The following JMJD8 variants were observed in gnomAD, a reference collection of about 807,000 sequenced individuals.
JMJD8 encodes jmjC domain-containing protein 8.
In JMJD8, 56 loss-of-function variants were observed where a neutral mutation model predicts 37.6. That is an observed-to-expected ratio of 1.49 (90% CI 1.20 to 1.86). JMJD8 has a LOEUF of 1.86. JMJD8 is among the 40% of genes most tolerant of loss of function. The probability of loss-of-function intolerance (pLI) is 0.00; values close to 1 mark genes in which losing one functional copy is unlikely to be tolerated. For missense variants in JMJD8, 542 were observed against 362.7 expected (o/e 1.49, Z -4.01); for synonymous variants, 261 against 163.7 (o/e 1.59, Z -4.54).
Position 684,146 on chromosome 16 carries a change from G to A in JMJD8, c.96C>T (p.Gly32=), listed in dbSNP as rs1488353582. The A allele has an allele frequency of 6.1e-6, 9 of 1,482,376 alleles. No homozygotes were observed. Among genetic ancestry groups the A allele is most frequent in the Non-Finnish European group, 8.0e-6 (9 of 1,124,350 alleles). 91.8% of individuals were successfully genotyped at this position (1,482,376 alleles called of 1,614,324 possible). The stretch of plus-strand genomic sequence containing the variant: ...CCTCCTCCGCCACGGCCCCCGGCCC[G>A]CCCGGGCGCCTGCGGGCACAGCTGG... ...GAEGDGGWRP[G]GPGAVAEEER... is the part of the protein sequence containing the mutation. The change falls in exon 2 of 9, where the codon GGC becomes GGT. Residue 32 remains glycine, a synonymous_variant. Coordinates refer to ENST00000609261, the MANE Select transcript of JMJD8 (RefSeq NM_001005920.4).
intron 2 of JMJD8, 74 bp from the exon 3 acceptor site, chr16:683,983 G>A (rs1049819139): frequency 1.6e-5 from 25 of 1,556,702 alleles, no homozygotes; most frequent in African/African-American, 5.4e-5. Flanking sequence ...GTGCGCGCGA[G>A]GTCAGGGGAA....
chr16:683,355 C>G lies in JMJD8; in HGVS notation c.478G>C (p.Gly160Arg), dbSNP rs766516341. 1 of 1,565,726 alleles carries G rather than the reference C, an allele frequency of 6.4e-7. No individual in the cohort carries two copies. Among genetic ancestry groups the G allele is most frequent in the African/African-American group, 1.4e-5 (1 of 73,658 alleles). The change falls in exon 6 of 9, where the codon GGA becomes CGA. Residue 160 changes from glycine to arginine, a missense_variant. Physicochemically the swap from Gly to Arg is moderately radical, Grantham distance 125. Transcript: ENST00000609261. ...HYSPPPFGLL[G>R]TAPAYSFGIA... ...CCAAAGCTGTAAGCTGGAGCGGTTC[C>G]CAGCAGGCCAAATGGGGGTGGGGAG...
rs2039813917 is a variant in JMJD8, at chr16:683,909, C to T, written c.177G>A (p.Gln59=). 2 of 1,577,874 alleles carry T rather than the reference C, an allele frequency of 1.3e-6. No individual in the cohort carries two copies. The highest frequency in any genetic ancestry group is 1.7e-6 in the Non-Finnish European group (2 of 1,165,116). The part of the protein sequence containing the change: ...ADLTYAEFVQ[Q]YAFVRPVILQ... ...GGATGACGGGCCTGACGAAGGCGTA[C>T]CTGGAAAGAAGGGCAGAGTCGCGGC... The change falls in exon 3 of 9, where the codon CAG becomes CAA. Residue 59 remains glutamine, a splice_region_variant and synonymous_variant. Coordinates refer to ENST00000609261, the MANE Select transcript of JMJD8 (RefSeq NM_001005920.4).
intron 1 of JMJD8, 34 bp from the exon 2 acceptor site, chr16:684,189 C>T: frequency 7.6e-7 from 1 of 1,321,802 alleles, no homozygotes; most frequent in Non-Finnish European, 9.6e-7. Flanking sequence ...CGCGCCCCGC[C>T]CGCCGCACGT....
At chr16:684,034 G>A in intron 2 of JMJD8, 32 bp downstream of exon 2, 1 of 1,573,972 alleles carries the variant, frequency 6.4e-7, no homozygotes, top group Middle Eastern at 1.7e-4. Flanking sequence ...CGGTGAACAG[G>A]ACGCGACCTC....
In JMJD8 at chr16:684,111, G is replaced by T; in HGVS notation, c.131C>A (p.Thr44Lys). The change falls in exon 2 of 9, where the codon ACG becomes AAG. Residue 44 changes from threonine to lysine, a missense_variant. Transcript: ENST00000609261. Reference sequence around the variant, plus strand: ...GGTGAGGTCGGCCCGACGCTCCACCGTGCAGCGCTCCTCCTCCGCCACGGC... The same window carrying T: ...GGTGAGGTCGGCCCGACGCTCCACCTTGCAGCGCTCCTCCTCCGCCACGGC... ...PGAVAEEERC[T>K]VERRADLTYA... 6.4e-7 allele frequency: 1 copy of T among 1,553,810 alleles called. No homozygotes were observed. The highest frequency in any genetic ancestry group is 8.6e-7 in the Non-Finnish European group (1 of 1,159,850).
In JMJD8 at chr16:681,933, G is replaced by A. The variant is rs41292279; in HGVS notation, c.*861C>T. 0.012 allele frequency: 18,697 copies of A among 1,611,756 alleles called. 116 individuals are homozygous for A. The highest frequency in any genetic ancestry group is 0.014 in the Non-Finnish European group (16,237 of 1,178,530). ...GTCTGTGTGTGTGCACGTGGCGTGG[G>A]AGCATCCCCGCCTTGTGTTGGGTCT... On this transcript the variant is annotated 3_prime_UTR_variant, in exon 9 of 9. Coordinates refer to ENST00000609261, the MANE Select transcript of JMJD8 (RefSeq NM_001005920.4).
rs755783357 is a variant in JMJD8 at position 683,583 on chromosome 16, TG to T, written c.337del (p.Gln113ArgfsTer76). On this transcript the variant is annotated frameshift_variant, in exon 5 of 9. Transcript: ENST00000609261. LOFTEE classifies it high-confidence loss of function. ...YSYHKVDLPF[Q>X]EYVEQLLHPQ... ...GTGCAGCAGCTGCTCCACATACTCC[TG>T]GAAGGGCAAGTCCACTGCAGGAAAG... 30 of 1,577,104 alleles carry T rather than the reference TG, an allele frequency of 1.9e-5. No homozygotes were observed. In the African/African-American group the frequency reaches 3.9e-4, roughly 21 times the overall value.
At position 682,964 on chromosome 16, in the gene JMJD8, G is replaced by A. The variant is rs148865703; in HGVS notation, c.703C>T (p.Arg235Trp). The change falls in exon 8 of 9, where the codon CGG becomes TGG. Residue 235 changes from arginine (R) to tryptophan (W), a missense_variant. Transcript: ENST00000609261. ...TGCCAGCCACTGACCTCACCAGCCC[G>A]GATGGTACACTCCAGGGGCCGTGCA... ...PSARPLECTI[R>W]AGEVLYFPDR... 1,074 of 1,612,996 alleles carry A rather than the reference G, an allele frequency of 6.7e-4. 5 individuals carry two copies. In the African/African-American group the frequency reaches 0.012, roughly 17 times the overall value.
In JMJD8 at chr16:682,980, G is replaced by A. The variant is rs1191087065; in HGVS notation, c.687C>T (p.Pro229=). ...CACCAGCCCGGATGGTACACTCCAG[G>A]GGCCGTGCAGACGGTGGCAGGGCTG... ...TYPALPPSAR[P]LECTIRAGEV... is the part of the protein sequence containing the mutation. The change falls in exon 8 of 9, where the codon CCC becomes CCT. Residue 229 remains proline (P), a synonymous_variant. Coordinates refer to ENST00000609261, the MANE Select transcript of JMJD8 (RefSeq NM_001005920.4). 2 of 1,613,220 alleles carry A rather than the reference G, an allele frequency of 1.2e-6. No individual in the cohort carries two copies. The highest frequency in any genetic ancestry group is 1.7e-5 in the Admixed American group (1 of 60,002).
rs2039742466 is a variant in JMJD8 at position 682,978 on chromosome 16, AGGGG to A, written c.685_688del (p.Pro229TrpfsTer91). 6.2e-7 allele frequency: 1 copy of A among 1,613,090 alleles called. No homozygotes were observed. The highest frequency in any genetic ancestry group is 8.5e-7 in the Non-Finnish European group (1 of 1,179,832). On this transcript the variant is annotated frameshift_variant, in exon 8 of 9. Coordinates refer to ENST00000609261, the MANE Select transcript of JMJD8 (RefSeq NM_001005920.4). LOFTEE classifies it high-confidence loss of function. ...CTCACCAGCCCGGATGGTACACTCC[AGGGG>A]CCGTGCAGACGGTGGCAGGGCTGGG...
chr16:683,312 A>C lies in JMJD8; in HGVS notation c.511+10T>G. On this transcript the variant is annotated intron_variant, in intron 6 of 8. Transcript: ENST00000609261. ...AGCCTCAGTCCTTCCCAGTCCCAAG[A>C]AGCACCCACCTGCGATTCCAAAGCT... 2 of 1,603,800 alleles carry C rather than the reference A, an allele frequency of 1.2e-6. No homozygotes were observed. The highest frequency in any genetic ancestry group is 1.7e-6 in the Non-Finnish European group (2 of 1,175,166).
rs762493428 is a variant in JMJD8 at position 683,720 on chromosome 16, C to T, written c.287G>A (p.Arg96Gln). ...GGAGTAGGTGTTGGCGGTGCTCAGC[C>T]GGACCACTCTGTCCCCAAACGAAGC... ...LLASFGDRVVRLSTANTYSYH... is the reference protein window; with the variant it reads ...LLASFGDRVVQLSTANTYSYH... The change falls in exon 4 of 9, where the codon CGG becomes CAG. Residue 96 changes from arginine (R) to glutamine (Q), a missense_variant. Coordinates refer to ENST00000609261, the MANE Select transcript of JMJD8 (RefSeq NM_001005920.4). 6.2e-7 allele frequency: 1 copy of T among 1,608,302 alleles called. No homozygotes were observed. The highest frequency in any genetic ancestry group is 1.1e-5 in the South Asian group (1 of 90,238).
chr16:683,693 TAGGAG>T lies in JMJD8; in HGVS notation c.309_313del (p.Tyr103Ter). 6.2e-7 allele frequency: 1 copy of T among 1,603,526 alleles called. No homozygotes were observed. On this transcript the variant is annotated stop_gained and frameshift_variant, in exon 4 of 9. Transcript: ENST00000609261. LOFTEE classifies it high-confidence loss of function. ...GGGGTGAGGCCGCGTACCTTTGTGG[TAGGAG>T]TAGGTGTTGGCGGTGCTCAGCCGGA...
At chr16:683,623 C>T in intron 4 of JMJD8, 25 bp from the exon 5 acceptor site, 4 of 1,575,892 alleles carry the variant, frequency 2.5e-6, no homozygotes, top group Non-Finnish European at 2.6e-6. Context: ...CGGGTCAGGA[C>T]CGTCTGGTCC....
chr16:683,131 G>T (rs1400132812), intron 7 of JMJD8, 36 bp downstream of exon 7: 1 of 1,613,460 alleles, frequency 6.2e-7, no homozygotes, highest in Non-Finnish European at 8.5e-7. Flanking sequence ...GTTTTGGTCA[G>T]CGAGTCCCAA....
chr16:683,989 G>T, intron 2 of JMJD8, 77 bp downstream of exon 2: 2 of 1,557,798 alleles, frequency 1.3e-6, no homozygotes, highest in East Asian at 2.4e-5. Context: ...GCGAGGTCAG[G>T]GGAAGGCGGC....
rs777906377 is a variant in JMJD8 at position 683,237 on chromosome 16, G to A, written c.512-3C>T. ...GAAGGGCACCCCCGAGCCAGCTCCT[G>A]TGGGGTTATGAGCACCTGGTGACCA... On this transcript the variant is annotated splice_polypyrimidine_tract_variant and splice_region_variant and intron_variant, in intron 6 of 8. Transcript: ENST00000609261. 1.1e-5 allele frequency: 18 copies of A among 1,613,140 alleles called. No homozygotes were observed. The highest frequency in any genetic ancestry group is 1.6e-4 in the Middle Eastern group (1 of 6,062).
Position 681,692 on chromosome 16 carries a change from A to C in JMJD8, c.*1102T>G. The C allele has an allele frequency of 6.4e-7, 1 of 1,556,952 alleles. No homozygotes were observed. ...AGCGTTTATCGAAGGCTTTACTGGC[A>C]AGCAGGAAATGTGGGGAAGTGTGGA... On this transcript the variant is annotated 3_prime_UTR_variant, in exon 9 of 9. Coordinates refer to ENST00000609261, the MANE Select transcript of JMJD8 (RefSeq NM_001005920.4).
Sources: gnomAD v4.1 joint callset for allele counts on GRCh38, gnomAD v4.1.1 for gene constraint, MANE v1.5 for transcripts, NCBI Gene and HGNC (gene_info 2026-07-23, HGNC 2026-07-21) for gene names.